Variants in TUB observed in about 807,000 individuals in gnomAD.
The protein encoded by TUB is TUB bipartite transcription factor.
In TUB, 33 loss-of-function variants were observed where a neutral mutation model predicts 59.7. The ratio of observed to expected loss-of-function variants is 0.55; its 90% CI spans 0.42 to 0.74. TUB has a LOEUF of 0.74. Ranked by LOEUF, TUB falls within the 30% of genes least tolerant of loss-of-function variation. TUB has a pLI of 0.00. For missense variants in TUB, 659 were observed against 672.0 expected, an observed-to-expected ratio of 0.98 and a Z score of 0.21; for synonymous variants, 293 against 256.4, an observed-to-expected ratio of 1.14 and a Z score of -1.36.
At chr11:8,099,438 T>A (rs1944156875) in intron 9 of TUB, among the ~76,000 whole-genome samples, 1 of 152,186 alleles carries the variant, frequency 6.6e-6, no homozygotes, top group Non-Finnish European at 1.5e-5. Context: ...CATGGGCACT[T>A]CTTGGAGGCC....
upstream of TUB, among the ~76,000 whole-genome samples, chr11:8,038,432 C>G (rs1942682637): frequency 6.6e-6 from 1 of 152,092 alleles, no homozygotes; most frequent in African/African-American, 2.4e-5. Flanking sequence ...AGCACACAGC[C>G]TGAGCCCTAG....
At chr11:8,066,843 T>C (rs1943252892) in intron 2 of TUB, among the ~76,000 whole-genome samples, 1 of 152,164 alleles carries the variant, frequency 6.6e-6, no homozygotes, top group African/African-American at 2.4e-5. Flanking sequence ...CCCCTGCACT[T>C]TGCAAATGAC....
At chr11:8,082,344 G>A (rs1943585344) in intron 1 of TUB, among the ~76,000 whole-genome samples, 1 of 152,200 alleles carries the variant, frequency 6.6e-6, no homozygotes. Context: ...AGGATGGCTG[G>A]GCTTTCCCAT....
chr11:8,075,061 A>G (rs1204395668), intron 2 of TUB, among the ~76,000 whole-genome samples: 1 of 150,942 alleles, frequency 6.6e-6, no homozygotes, highest in African/African-American at 2.5e-5. Context: ...GTCTCATAAA[A>G]ACAAAAATTC....
chr11:8,055,606 C>T (rs1179739050), intron 2 of TUB, among the ~76,000 whole-genome samples: 1 of 152,242 alleles, frequency 6.6e-6, no homozygotes. Flanking sequence ...GACAGAGGCC[C>T]CTCACCCCAG....
chr11:8,067,531 T>C (rs763857212), intron 2 of TUB: 2 of 152,230 alleles, frequency 1.3e-5, no homozygotes, highest in Non-Finnish European at 2.9e-5. Flanking sequence ...CCTAACAAAA[T>C]ACTTAGAGTG....
chr11:8,085,009 C>T (rs1943639001), intron 1 of TUB, among the ~76,000 whole-genome samples: 1 of 152,172 alleles, frequency 6.6e-6, no homozygotes. Context: ...CGGGTTCCCC[C>T]TCCTCCTGGC....
intron 2 of TUB, among the ~76,000 whole-genome samples, chr11:8,042,140 A>AC (rs1942762056): frequency 6.9e-6 from 1 of 144,432 alleles, no homozygotes; most frequent in African/African-American, 2.6e-5. Context: ...CTTTTCCTAC[A>AC]CCCCCCAGCC....
chr11:8,029,597 C>T (rs1483335630), intron 1 of TUB, among the ~76,000 whole-genome samples: 1 of 152,118 alleles, frequency 6.6e-6, no homozygotes, highest in Non-Finnish European at 1.5e-5. Context: ...CCAATTTGGT[C>T]AGGCTGGTCT....
rs1349361429 is a variant in TUB at position 8,081,266 on chromosome 11, C to T, written c.-245C>T. The stretch of plus-strand genomic sequence containing the variant: ...ACGGTGCGGTCGGCCTCCCCGCCTC[C>T]ACGCGCGCGCACGACCCGCGCACTC... On this transcript the variant is annotated 5_prime_UTR_variant, in exon 1 of 12. Transcript: ENST00000299506. The T allele has an allele frequency of 1.2e-5, 8 of 658,484 alleles. No homozygotes were observed. The highest frequency in any genetic ancestry group is 1.5e-5 in the Non-Finnish European group (8 of 531,478). The allele number at this position is 658,484 out of a possible 1,614,324, so 40.8% of individuals were successfully genotyped here.
chr11:8,062,792 G>GCAGCT (rs1210707422), intron 2 of TUB, among the ~76,000 whole-genome samples: 1 of 152,056 alleles, frequency 6.6e-6, no homozygotes, highest in Non-Finnish European at 1.5e-5. Flanking sequence ...CTGACAGGCT[G>GCAGCT]CAGCTGGGGG....
intron 10 of TUB, 64 bp downstream of exon 10, chr11:8,100,665 G>A (rs1223987717): frequency 5.8e-6 from 9 of 1,564,064 alleles, no homozygotes; most frequent in South Asian, 2.2e-5. Flanking sequence ...AGCTTCTAAG[G>A]GCAGAACTCC....
Position 8,101,579 on chromosome 11 carries a change from T to C in TUB, c.1481T>C (p.Ile494Thr), listed in dbSNP as rs2133920498. The C allele has an allele frequency of 1.9e-6, 3 of 1,614,258 alleles. No individual in the cohort carries two copies. Among genetic ancestry groups the C allele is most frequent in the South Asian group, 1.1e-5 (1 of 91,088 alleles). The change falls in exon 12 of 12, where the codon ATT becomes ACT. Residue 494 changes from isoleucine to threonine, a missense_variant. By Grantham distance (89) the Ile-to-Thr change is moderately conservative. This residue lies in a region of TUB where 226 missense variants were observed against 210.8 expected (regional missense o/e 1.07). Transcript: ENST00000299506. ...YPLCALQAFA[I>T]ALSSFDSKLA... ...CTGTGTGCACTGCAGGCCTTTGCCA[T>C]TGCCCTGTCCAGCTTCGACAGCAAG...
intron 5 of TUB, among the ~76,000 whole-genome samples, chr11:8,096,367 G>T (rs1158492441): frequency 6.6e-6 from 1 of 152,220 alleles, no homozygotes; most frequent in Non-Finnish European, 1.5e-5. Flanking sequence ...ATACACAAGA[G>T]ACAGTGGTAG....
At chr11:8,023,914 A>G (rs1942466464) in intron 1 of TUB, among the ~76,000 whole-genome samples, 1 of 152,224 alleles carries the variant, frequency 6.6e-6, no homozygotes, top group African/African-American at 2.4e-5. Context: ...ATCAGTGACC[A>G]AACTAGCACT....
intron 11 of TUB, 127 bp downstream of exon 11, chr11:8,101,124 A>C (rs1228304152): frequency 8.6e-7 from 1 of 1,162,208 alleles, no homozygotes; most frequent in Non-Finnish European, 1.2e-6. Context: ...AGCTAAGGTT[A>C]GATGTATGGA....
chr11:8,056,130 C>A (rs969381812), intron 2 of TUB, among the ~76,000 whole-genome samples: 16 of 152,282 alleles, frequency 1.1e-4, no homozygotes, highest in African/African-American at 3.9e-4. Flanking sequence ...CTGTCCTATC[C>A]CTTCTCAGCT....
intron 2 of TUB, among the ~76,000 whole-genome samples, chr11:8,047,241 C>T (rs1459708863): frequency 6.6e-6 from 1 of 152,200 alleles, no homozygotes; most frequent in Non-Finnish European, 1.5e-5. Context: ...TCCCTGTCTT[C>T]ACCTGGTAGA....
intron 2 of TUB, among the ~76,000 whole-genome samples, chr11:8,044,050 T>G (rs1942792585): frequency 6.6e-6 from 1 of 152,088 alleles, no homozygotes; most frequent in African/African-American, 2.4e-5. Flanking sequence ...GATTATGTGA[T>G]GTCTTGGTAT....
Sources: gnomAD v4.1 joint callset for allele counts (sites outside exome capture counted in the v4.1 genomes callset) on GRCh38, gnomAD v4.1.1 for gene constraint, gnomAD v4.1.1 regional missense constraint, MANE v1.5 for transcripts, NCBI Gene and HGNC (gene_info 2026-07-23, HGNC 2026-07-21) for gene names.